LRP2: variants seen among roughly 807,000 people sequenced by gnomAD.
LRP2 encodes the protein LDL receptor related protein 2.
Under a neutral mutation model 531.0 loss-of-function variants are expected in LRP2, and 172 were observed. The observed-to-expected ratio is 0.32, with a 90% CI of 0.29 to 0.37. The LOEUF (loss-of-function observed/expected upper bound fraction) is 0.37. Among genes scored for constraint, LRP2 ranks in the 10% least tolerant of loss-of-function variants. The pLI is 1.00. For synonymous variants in LRP2, 1,992 were observed against 2,027.6 expected (o/e 0.98, Z 0.47); for missense variants, 5,167 against 5,868.3 (o/e 0.88, Z 3.90).
intron 67 of LRP2, 44 bp downstream of exon 67, chr2:169,152,755 C>T: frequency 1.2e-6 from 2 of 1,611,412 alleles, no homozygotes; most frequent in South Asian, 1.1e-5. Context: ...GAACTCTAAC[C>T]AGGAAAACAG....
chr2:169,166,182 A>C (rs1479154832), intron 61 of LRP2, 128 bp from the exon 62 acceptor site: 13 of 912,502 alleles, frequency 1.4e-5, no homozygotes, highest in Non-Finnish European at 2.1e-5. Context: ...TTGATTAATC[A>C]ATCAGCAGAT....
rs367749972 is a variant in LRP2 at position 169,311,973 on chromosome 2, C to T, written c.311-4576G>A. 7.2e-5 allele frequency among the ~76,000 whole-genome samples: 11 copies of T among 152,118 alleles called. No homozygotes were observed. The East Asian group carries it at 9.7e-4, about 13-fold the overall frequency. Reference sequence around the variant, plus strand: ...TACGTAATGGCCTTCTTTGTCTCTTCTGATCTTTGTTGGTTTAAAGTCTGT... The same window carrying T: ...TACGTAATGGCCTTCTTTGTCTCTTTTGATCTTTGTTGGTTTAAAGTCTGT... On this transcript the variant is annotated intron_variant, in intron 3 of 78. Transcript: ENST00000649046.
intron 1 of LRP2, among the ~76,000 whole-genome samples, chr2:169,337,147 G>A (rs572622839): frequency 6.4e-4 from 97 of 152,212 alleles, no homozygotes; most frequent in Middle Eastern, 3.4e-3. Context: ...CCAAAAATCT[G>A]CTCCCAGGTG....
intron 1 of LRP2, among the ~76,000 whole-genome samples, chr2:169,350,244 G>A (rs1685811162): frequency 6.6e-6 from 1 of 152,214 alleles, no homozygotes; most frequent in Non-Finnish European, 1.5e-5. Context: ...AGCAAGTTTG[G>A]ACATTAGTGG....
intron 30 of LRP2, 136 bp downstream of exon 30, chr2:169,233,275 T>C: frequency 1.1e-6 from 1 of 893,774 alleles, no homozygotes; most frequent in Non-Finnish European, 1.8e-6. Flanking sequence ...GGAAAGTATA[T>C]AGTGGGGTGG....
At chr2:169,187,379 T>C (rs1369080576) in intron 49 of LRP2, among the ~76,000 whole-genome samples, 1 of 152,216 alleles carries the variant, frequency 6.6e-6, no homozygotes, top group African/African-American at 2.4e-5. Flanking sequence ...AATGAAAGGA[T>C]ATGGTCTCTA....
intron 53 of LRP2, among the ~76,000 whole-genome samples, chr2:169,177,239 T>C (rs1277250050): frequency 1.3e-5 from 2 of 152,250 alleles, no homozygotes; most frequent in Non-Finnish European, 2.9e-5. Flanking sequence ...TTCAGACCTT[T>C]ATCTTTATTT....
chr2:169,344,070 T>C (rs975164750), intron 1 of LRP2, among the ~76,000 whole-genome samples: 13 of 152,310 alleles, frequency 8.5e-5, no homozygotes, highest in East Asian at 1.9e-4. Context: ...CAATGGCATA[T>C]TCAGGGGCAT....
chr2:169,235,949 G>A lies in LRP2; in HGVS notation c.4811C>T (p.Thr1604Ile). The A allele has an allele frequency of 6.2e-7, 1 of 1,614,162 alleles. No individual in the cohort carries two copies. ...QDKIFWPCGL[T>I]IDYPNRLLYF... ...GAGCAGTCTGTTGGGGTAGTCAATA[G>A]TTAAGCCGCAGGGCCAGAAGATCTT... Residue 1604 changes from threonine (T) to isoleucine (I), a missense_variant, in exon 29 of 79, where the codon ACT becomes ATT. Thr to Ile is a moderately conservative substitution (Grantham distance 89). This residue lies in a region of LRP2 where 2,811 missense variants were observed against 3,058.0 expected (regional missense o/e 0.92). Coordinates refer to ENST00000649046, the MANE Select transcript of LRP2 (RefSeq NM_004525.3).
At chr2:169,352,213 G>A (rs2105577575) in intron 1 of LRP2, among the ~76,000 whole-genome samples, 1 of 152,256 alleles carries the variant, frequency 6.6e-6, no homozygotes, top group Middle Eastern at 3.4e-3. Flanking sequence ...GGTCTGGGGG[G>A]AACTTCAAAG....
chr2:169,267,794 TC>T (rs1193080432), intron 16 of LRP2, among the ~76,000 whole-genome samples: 2 of 151,880 alleles, frequency 1.3e-5, no homozygotes, highest in Non-Finnish European at 2.9e-5. Context: ...AAAAAACCCT[TC>T]AAAAAATCAA....
intron 9 of LRP2, among the ~76,000 whole-genome samples, chr2:169,285,028 G>A (rs991122447): frequency 1.3e-5 from 2 of 152,116 alleles, no homozygotes; most frequent in African/African-American, 2.4e-5. Flanking sequence ...GAATGAGTGG[G>A]CCAGGCACAG....
intron 46 of LRP2, among the ~76,000 whole-genome samples, chr2:169,195,259 A>T (rs1687967775): frequency 6.6e-6 from 1 of 152,216 alleles, no homozygotes; most frequent in Admixed American, 6.5e-5. Context: ...TGCTGACATG[A>T]TGTTAAGCTT....
At chr2:169,166,816 C>T (rs1033506576) in intron 61 of LRP2, among the ~76,000 whole-genome samples, 1 of 152,204 alleles carries the variant, frequency 6.6e-6, no homozygotes, top group Non-Finnish European at 1.5e-5. Flanking sequence ...GCGTGTACCA[C>T]AAATGCAGTG....
In LRP2 at chr2:169,185,971, C is replaced by G. The variant is rs748060426; in HGVS notation, c.9377G>C (p.Cys3126Ser). ...ATAGAAACTGGTTAAGGTGTCTGTG[C>G]AGTTGTGATCGCAGCCACTGATTGA... ...DPSISGCDHN[C>S]TDTLTSFYCS... Residue 3126 changes from cysteine to serine, a missense_variant, in exon 50 of 79, where the codon TGC (cysteine) becomes TCC (serine). Cys to Ser is a moderately radical substitution (Grantham distance 112, BLOSUM62 -1). Coordinates refer to ENST00000649046, the MANE Select transcript of LRP2 (RefSeq NM_004525.3). 6.2e-7 allele frequency: 1 copy of G among 1,613,840 alleles called. No homozygotes were observed. The highest frequency in any genetic ancestry group is 8.5e-7 in the Non-Finnish European group (1 of 1,179,924).
chr2:169,241,417 T>C (rs776705438), intron 24 of LRP2, 52 bp from the exon 25 acceptor site: 1 of 1,598,212 alleles, frequency 6.3e-7, no homozygotes, highest in East Asian at 2.2e-5. Context: ...TTGTGATCCC[T>C]TTTATAGTCT....
chr2:169,170,375 T>C (rs1686949938), intron 59 of LRP2, among the ~76,000 whole-genome samples, 176 bp downstream of exon 59: 1 of 152,244 alleles, frequency 6.6e-6, no homozygotes, highest in Non-Finnish European at 1.5e-5. Flanking sequence ...TAGACTGCTA[T>C]GAGTTAAGAA....
intron 70 of LRP2, among the ~76,000 whole-genome samples, chr2:169,144,523 A>G (rs1574068982): frequency 6.6e-6 from 1 of 151,988 alleles, no homozygotes; most frequent in African/African-American, 2.4e-5. Flanking sequence ...GGCGGTAGGG[A>G]GGGGAGATAG....
chr2:169,326,635 C>T (rs1685068779), intron 1 of LRP2, among the ~76,000 whole-genome samples: 2 of 152,166 alleles, frequency 1.3e-5, no homozygotes, highest in African/African-American at 4.8e-5. Context: ...GCCCGGCCAC[C>T]ACCCCGTCTG....
Sources: allele counts gnomAD v4.1 joint callset (sites outside exome capture counted in the v4.1 genomes callset), GRCh38; gene constraint gnomAD v4.1.1; regional missense constraint gnomAD v4.1.1; transcripts MANE v1.5; gene names NCBI Gene and HGNC (gene_info 2026-07-23, HGNC 2026-07-21).